JMJD1C: variants seen among roughly 807,000 people sequenced by gnomAD.
JMJD1C encodes the protein jumonji domain containing 1C.
In JMJD1C, 31 loss-of-function variants were observed where a neutral mutation model predicts 245.3. The ratio of observed to expected loss-of-function variants is 0.13; its 90% CI spans 0.09 to 0.17. The LOEUF is 0.17. JMJD1C is among the 10% of genes least tolerant of loss of function. The pLI, the probability that JMJD1C is intolerant of heterozygous loss-of-function variation, is 1.00. For synonymous variants in JMJD1C, 1,057 were observed against 1,017.4 expected (o/e 1.04, Z -0.74); for missense variants, 2,691 against 3,000.2 (o/e 0.90, Z 2.41).
In JMJD1C at chr10:63,205,636, C is replaced by G. The variant is rs1846512214; in HGVS notation, c.5074+959G>C. Among the ~76,000 whole-genome samples, 3 of 152,064 alleles carry G rather than the reference C, an allele frequency of 2.0e-5. No homozygotes were observed. The East Asian group carries it at 5.8e-4, about 29-fold the overall frequency. On this transcript the variant is annotated intron_variant, in intron 10 of 25. Coordinates refer to ENST00000399262, the MANE Select transcript of JMJD1C (RefSeq NM_032776.3). ...TAGTCATACACTATTAGGCAATTTC[C>G]TCACTGTAGGAACTTCATAGCATGT...
chr10:63,193,292 G>GT (rs1845065028), intron 15 of JMJD1C, 53 bp downstream of exon 15: 7 of 1,528,776 alleles, frequency 4.6e-6, no homozygotes, highest in Middle Eastern at 2.2e-4. Flanking sequence ...AAATATCAAA[G>GT]TTGACTAATT....
At chr10:63,277,727 A>ATTTTTTTTTTTTTTTTTTTTTTTTT (rs1389505532) in intron 2 of JMJD1C, among the ~76,000 whole-genome samples, 1 of 83,166 alleles carries the variant, frequency 1.2e-5, no homozygotes, top group African/African-American at 5.3e-5. Flanking sequence ...AGTAATTTGC[A>ATTTTTTTTTTTTTTTTTTTTTTTTT]TTTCTTTTTT....
Position 63,234,026 on chromosome 10 carries a change from A to T in JMJD1C, c.448-14043T>A, listed in dbSNP as rs565576777. Among the ~76,000 whole-genome samples, 23 of 152,308 alleles carry T rather than the reference A, an allele frequency of 1.5e-4. No homozygotes were observed. In the Middle Eastern group the frequency reaches 0.014, roughly 90 times the overall value. On this transcript the variant is annotated intron_variant, in intron 3 of 25. Coordinates refer to ENST00000399262, the MANE Select transcript of JMJD1C (RefSeq NM_032776.3). ...AACAAAAAATGCAATATAATCTGACAGTTAAATATGATAAGCATACTCCAT... is the reference window on the plus strand; with the variant it reads ...AACAAAAAATGCAATATAATCTGACTGTTAAATATGATAAGCATACTCCAT...
At chr10:63,345,079 GTA>G (rs1191390016) in intron 2 of JMJD1C, among the ~76,000 whole-genome samples, 1 of 152,178 alleles carries the variant, frequency 6.6e-6, no homozygotes, top group Non-Finnish European at 1.5e-5. Context: ...ATCTGTATAT[GTA>G]TGTTTTTAGG....
chr10:63,395,381 G>A (rs1948418148), intron 1 of JMJD1C, among the ~76,000 whole-genome samples: 1 of 152,154 alleles, frequency 6.6e-6, no homozygotes. Context: ...AGGAGGCTGA[G>A]GCAGGAGAAT....
chr10:63,273,895 A>G (rs1193123639), intron 2 of JMJD1C, among the ~76,000 whole-genome samples: 4 of 152,200 alleles, frequency 2.6e-5, no homozygotes, highest in Admixed American at 6.5e-5. Flanking sequence ...TGAGAATCTT[A>G]TATGTACAAT....
chr10:63,304,609 G>A (rs969125486), intron 2 of JMJD1C, among the ~76,000 whole-genome samples: 1 of 152,194 alleles, frequency 6.6e-6, no homozygotes, highest in Non-Finnish European at 1.5e-5. Context: ...AACTTTTAAT[G>A]TTGGTAGAAT....
intron 1 of JMJD1C, among the ~76,000 whole-genome samples, chr10:63,435,323 A>C (rs1951000526): frequency 6.6e-6 from 1 of 152,154 alleles, no homozygotes; most frequent in Non-Finnish European, 1.5e-5. Flanking sequence ...TTTTTTCCAG[A>C]AAAGAAACAG....
intron 6 of JMJD1C, 27 bp downstream of exon 6, chr10:63,215,526 G>A (rs749328850): frequency 6.2e-7 from 1 of 1,607,352 alleles, no homozygotes; most frequent in Non-Finnish European, 8.5e-7. Context: ...ATATTTTACA[G>A]AAATTCATCC....
chr10:63,336,148 C>G (rs1022430754), intron 2 of JMJD1C, among the ~76,000 whole-genome samples: 1 of 151,746 alleles, frequency 6.6e-6, no homozygotes, highest in Non-Finnish European at 1.5e-5. Context: ...AAGAAAAAAA[C>G]CACGTCTATG....
chr10:63,386,686 C>G (rs1480147063), intron 1 of JMJD1C, among the ~76,000 whole-genome samples: 1 of 152,222 alleles, frequency 6.6e-6, no homozygotes, highest in Admixed American at 6.5e-5. Context: ...ATTTAGTCAG[C>G]CTGTCACAAC....
chr10:63,504,851 A>G (rs1954668912), intron 1 of JMJD1C, among the ~76,000 whole-genome samples: 1 of 152,168 alleles, frequency 6.6e-6, no homozygotes, highest in Admixed American at 6.5e-5. Flanking sequence ...CCCTGTCTCT[A>G]CAAAAAATAA....
At chr10:63,361,665 C>T (rs951666462) in intron 2 of JMJD1C, among the ~76,000 whole-genome samples, 1 of 138,648 alleles carries the variant, frequency 7.2e-6, no homozygotes, top group Non-Finnish European at 1.5e-5. Flanking sequence ...CTGCAGTGAG[C>T]TGAGACTGTG....
chr10:63,207,249 A>G lies in JMJD1C; in HGVS notation c.4420T>C (p.Ser1474Pro), dbSNP rs1251178086. 6.2e-7 allele frequency: 1 copy of G among 1,614,094 alleles called. No homozygotes were observed. Among genetic ancestry groups the G allele is most frequent in the Non-Finnish European group, 8.5e-7 (1 of 1,180,040 alleles). Residue 1474 changes from serine (S) to proline (P), a missense_variant, in exon 10 of 26, where the codon TCA (serine) becomes CCA (proline). Around this residue, in one of 9 missense-constraint regions of JMJD1C, gnomAD observed 1,562 missense variants for 1,490.7 expected, o/e 1.05. Transcript: ENST00000399262. The stretch of plus-strand genomic sequence containing the variant: ...AAATGGATAAAATCAGTTGTGCCTG[A>G]GAACCCAGAACTGGGTTGAACAACA... Reference protein sequence around the residue: ...GSVVQPSSGFSGTTDFIHLKK... With the variant: ...GSVVQPSSGFPGTTDFIHLKK...
At position 63,178,645 on chromosome 10, in the gene JMJD1C, G is replaced by A. The variant is rs151029168; in HGVS notation, c.7085-789C>T. On this transcript the variant is annotated intron_variant, in intron 22 of 25. Coordinates refer to ENST00000399262, the MANE Select transcript of JMJD1C (RefSeq NM_032776.3). ...AATGTATTCTGATTAATTTCGAGGT[G>A]CTCTCATATTTGATAATGGTTAATC... Among the ~76,000 whole-genome samples the A allele has an allele frequency of 8.5e-4, 129 of 152,282 alleles. 1 individual carries two copies. Among genetic ancestry groups the A allele is most frequent in the African/African-American group, 2.9e-3 (121 of 41,572 alleles).
chr10:63,474,428 T>C (rs1022251857), intron 1 of JMJD1C, among the ~76,000 whole-genome samples: 3 of 151,796 alleles, frequency 2.0e-5, no homozygotes, highest in African/African-American at 4.8e-5. Context: ...GGGGATGAAA[T>C]AGAAATAAAA....
intron 3 of JMJD1C, among the ~76,000 whole-genome samples, chr10:63,234,408 T>A (rs1850405422): frequency 6.8e-6 from 1 of 147,698 alleles, no homozygotes; most frequent in South Asian, 2.1e-4. Flanking sequence ...GTGGGAGGAT[T>A]GCTTGAGCAT....
intron 1 of JMJD1C, among the ~76,000 whole-genome samples, chr10:63,439,916 T>C (rs1434172623): frequency 1.3e-5 from 2 of 152,150 alleles, no homozygotes; most frequent in Admixed American, 6.5e-5. Flanking sequence ...ACCTACCAAT[T>C]AGAGAACAGT....
intron 3 of JMJD1C, among the ~76,000 whole-genome samples, chr10:63,226,200 CAT>C (rs1283783666): frequency 1.3e-5 from 2 of 152,140 alleles, no homozygotes; most frequent in Admixed American, 1.3e-4. Flanking sequence ...TGACATTCCA[CAT>C]ATAGAAATAG....
Sources: allele counts gnomAD v4.1 joint callset (sites outside exome capture counted in the v4.1 genomes callset), GRCh38; gene constraint gnomAD v4.1.1; regional missense constraint gnomAD v4.1.1; transcripts MANE v1.5; gene names NCBI Gene and HGNC (gene_info 2026-07-23, HGNC 2026-07-21).